NEIL1: variants seen among roughly 807,000 people sequenced by gnomAD.
NEIL1 encodes the protein endonuclease 8-like 1.
A neutral mutation model predicts 44.2 loss-of-function variants in NEIL1; 31 were observed. The observed-to-expected ratio is 0.70, with a 90% CI of 0.53 to 0.95. The LOEUF is 0.95. NEIL1 is among the 40% of genes least tolerant of loss of function. The pLI is 0.00. For synonymous variants in NEIL1, 254 were observed against 209.7 expected, an observed-to-expected ratio of 1.21 and a Z score of -1.83; for missense variants, 549 against 515.5, an observed-to-expected ratio of 1.07 and a Z score of -0.63.
In NEIL1 at chr15:75,356,816, TCGCACTGA is replaced by T; in HGVS notation, c.*1786_*1793del. 1.2e-6 allele frequency: 2 copies of T among 1,614,070 alleles called. No homozygotes were observed. Among genetic ancestry groups the T allele is most frequent in the Non-Finnish European group, 1.7e-6 (2 of 1,180,024 alleles). ...ACAGCGAGAGGCTGAGGATGCTGCC[TCGCACTGA>T]CGCGCCATACTTGCAGTCGTTGAGC... On this transcript the variant is annotated 3_prime_UTR_variant, in exon 10 of 10. Coordinates refer to ENST00000355059, the MANE Select transcript of NEIL1 (RefSeq NM_024608.4). The surrounding 1 kb of genome is among the most constrained non-coding windows in gnomAD (Gnocchi z 5.8).
In NEIL1 at chr15:75,354,828, C is replaced by T. The variant is rs1384936445; in HGVS notation, c.1102+10C>T. On this transcript the variant is annotated intron_variant, in intron 9 of 9. Coordinates refer to ENST00000355059, the MANE Select transcript of NEIL1 (RefSeq NM_024608.4). ...CGACAGGCAGCCTCTGGTGGGCTTT[C>T]CTCATCACTCCCAGAAACTGGCTCT... is the stretch of plus-strand genomic sequence containing the variant. The T allele has an allele frequency of 1.9e-6, 3 of 1,613,812 alleles. No individual in the cohort carries two copies. The highest frequency in any genetic ancestry group is 2.2e-5 in the South Asian group (2 of 91,088).
intron 1 of NEIL1, chr15:75,348,190 G>T (rs904627789): frequency 1.4e-6 from 1 of 715,638 alleles, no homozygotes; most frequent in South Asian, 4.0e-5. Context: ...CGCCCGCCTC[G>T]TCCTGGCCCC....
chr15:75,349,692 T>C, intron 2 of NEIL1: 1 of 232,450 alleles, frequency 4.3e-6, no homozygotes, highest in Non-Finnish European at 8.6e-6. Flanking sequence ...CACATGCCTG[T>C]AACCCCAGCT....
chr15:75,355,620 G>T lies in NEIL1; in HGVS notation c.*586G>T. On this transcript the variant is annotated 3_prime_UTR_variant, in exon 10 of 10. Coordinates refer to ENST00000355059, the MANE Select transcript of NEIL1 (RefSeq NM_024608.4). ...CTCATGGTCTCTTCACTGGCTTTTG[G>T]TGGCTCGAGGTCCCCAGTCTCTCCT... 2.6e-6 allele frequency: 1 copy of T among 378,410 alleles called. No homozygotes were observed. Among genetic ancestry groups the T allele is most frequent in the Non-Finnish European group, 4.9e-6 (1 of 205,264 alleles). 23.4% of individuals were successfully genotyped at this position (378,410 alleles called of 1,614,324 possible). A position where few individuals can be genotyped will look rare whatever the true frequency, so the allele number is the denominator to read the frequency against.
At chr15:75,347,932 G>A (rs1229900729) in intron 1 of NEIL1, 8 of 1,249,090 alleles carry the variant, frequency 6.4e-6, no homozygotes, top group Non-Finnish European at 8.3e-6. Context: ...GGCGTCTGCC[G>A]TCGCTAAGTG....
intron 1 of NEIL1, 24 bp from the exon 2 acceptor site, chr15:75,348,860 A>G: frequency 1.3e-6 from 2 of 1,594,066 alleles, no homozygotes; most frequent in Non-Finnish European, 1.7e-6. Context: ...ACCGGGCTCA[A>G]CCCGCTGCCT....
Position 75,356,397 on chromosome 15 carries a change from G to C in NEIL1, c.*1363G>C. 6.2e-7 allele frequency: 1 copy of C among 1,610,888 alleles called. No individual in the cohort carries two copies. Among genetic ancestry groups the C allele is most frequent in the South Asian group, 1.1e-5 (1 of 90,408 alleles). On this transcript the variant is annotated 3_prime_UTR_variant, in exon 10 of 10. Coordinates refer to ENST00000355059, the MANE Select transcript of NEIL1 (RefSeq NM_024608.4). This position sits in a 1 kb window ranked among gnomAD's most constrained non-coding sequence, Gnocchi z 5.8. ...GGCTGGGGGCTGGCAGAGCCAACAG[G>C]GGGAAGTTTAGGCTGTAGGCAGCTT...
rs1204478505 is a variant in NEIL1, at chr15:75,349,285, G to A, written c.380G>A (p.Gly127Glu). 2.2e-5 allele frequency: 36 copies of A among 1,611,380 alleles called. No homozygotes were observed. Among genetic ancestry groups the A allele is most frequent in the East Asian group, 8.9e-5 (4 of 44,878 alleles). Residue 127 changes from glycine (G) to glutamate (E), a missense_variant, in exon 2 of 10, where the codon GGA (glycine) becomes GAA (glutamate). Gly to Glu is a moderately conservative substitution (Grantham distance 98). Coordinates refer to ENST00000355059, the MANE Select transcript of NEIL1 (RefSeq NM_024608.4). ...CGGTTCGGCCGCTGGGACCTTGGGG[G>A]AAAGTGGCAGCCGGGCCGCGGGCCC... is the stretch of plus-strand genomic sequence containing the variant. ...IRRFGRWDLG[G>E]KWQPGRGPCV...
chr15:75,349,302 C>T lies in NEIL1; in HGVS notation c.397C>T (p.Arg133Cys), dbSNP rs1370750826. ...CCTTGGGGGAAAGTGGCAGCCGGGC[C>T]GCGGGCCCTGTGTCTTGCAGGAGTA... The part of the protein sequence containing the change: ...WDLGGKWQPG[R>C]GPCVLQEYQQ... The change falls in exon 2 of 10, where the codon CGC (arginine) becomes TGC (cysteine). Residue 133 changes from arginine (R) to cysteine (C), a missense_variant. Coordinates refer to ENST00000355059, the MANE Select transcript of NEIL1 (RefSeq NM_024608.4). 2 of 1,610,722 alleles carry T rather than the reference C, an allele frequency of 1.2e-6. No homozygotes were observed. The highest frequency in any genetic ancestry group is 1.7e-4 in the Middle Eastern group (1 of 6,048).
chr15:75,348,887 T>G lies in NEIL1; in HGVS notation c.-19T>G. ...CCGCTGCCTTCCTCCCCAACAGGAC[T>G]CTGCCACCCTCCCTCAGGATGCCTG... On this transcript the variant is annotated 5_prime_UTR_variant, in exon 2 of 10. Coordinates refer to ENST00000355059, the MANE Select transcript of NEIL1 (RefSeq NM_024608.4). The G allele has an allele frequency of 6.2e-7, 1 of 1,606,902 alleles. No homozygotes were observed. The highest frequency in any genetic ancestry group is 1.1e-5 in the South Asian group (1 of 90,980).
rs1688884012 is a variant in NEIL1 at position 75,356,536 on chromosome 15, G to C, written c.*1502G>C. The C allele has an allele frequency of 1.3e-6, 2 of 1,552,120 alleles. No individual in the cohort carries two copies. The highest frequency in any genetic ancestry group is 1.7e-6 in the Non-Finnish European group (2 of 1,146,538). ...AAGGGGCAGGAAGCCAGGTTGCTGG[G>C]GTTTGGGCTCAGGGAAGGGCAGAGA... is the stretch of plus-strand genomic sequence containing the variant. On this transcript the variant is annotated 3_prime_UTR_variant, in exon 10 of 10. Coordinates refer to ENST00000355059, the MANE Select transcript of NEIL1 (RefSeq NM_024608.4). This position sits in a 1 kb window ranked among gnomAD's most constrained non-coding sequence, Gnocchi z 5.8.
intron 1 of NEIL1, chr15:75,348,222 G>A: frequency 1.3e-6 from 1 of 795,196 alleles, no homozygotes; most frequent in Non-Finnish European, 1.5e-6. Context: ...GGGGGCGGCC[G>A]CGGGGATGTC....
chr15:75,355,750 C>T lies in NEIL1; in HGVS notation c.*716C>T. On this transcript the variant is annotated 3_prime_UTR_variant, in exon 10 of 10. Transcript: ENST00000355059. ...CCCACCCCAGACTTCCCACCCCCAC[C>T]CCAAGCGTGAGGATGGGCCCTAAGG... 2 of 807,806 alleles carry T rather than the reference C, an allele frequency of 2.5e-6. No homozygotes were observed. Among genetic ancestry groups the T allele is most frequent in the Non-Finnish European group, 1.9e-6 (1 of 532,318 alleles). The allele number at this position is 807,806 out of a possible 1,614,324, so 50.0% of individuals were successfully genotyped here. A position where few individuals can be genotyped will look rare whatever the true frequency, so the allele number is the denominator to read the frequency against.
At position 75,355,155 on chromosome 15, in the gene NEIL1, C is replaced by G. The variant is rs1000890518; in HGVS notation, c.*121C>G. The G allele has an allele frequency of 3.4e-5, 25 of 733,518 alleles. No homozygotes were observed. The African/African-American group carries it at 4.1e-4, about 12-fold the overall frequency. 45.4% of individuals were successfully genotyped at this position (733,518 alleles called of 1,614,324 possible). On this transcript the variant is annotated 3_prime_UTR_variant, in exon 10 of 10. Transcript: ENST00000355059. ...AAACAGGCCCTACGGCTGTTCCCTG[C>G]ACAACTCTCATGGTTTTAATTGTAC...
intron 1 of NEIL1, chr15:75,347,807 C>G (rs370113829): frequency 7.0e-6 from 8 of 1,138,446 alleles, no homozygotes; most frequent in Non-Finnish European, 7.8e-6. Flanking sequence ...AGGACGGGCC[C>G]GAGAGCGCCG....
rs1275066170 is a variant in NEIL1, at chr15:75,356,446, G to A, written c.*1412G>A. 1 of 1,598,824 alleles carries A rather than the reference G, an allele frequency of 6.3e-7. No homozygotes were observed. Among genetic ancestry groups the A allele is most frequent in the South Asian group, 1.1e-5 (1 of 88,362 alleles). On this transcript the variant is annotated 3_prime_UTR_variant, in exon 10 of 10. Transcript: ENST00000355059. The surrounding 1 kb of genome is among the most constrained non-coding windows in gnomAD (Gnocchi z 5.8). ...TTGGATAACGCCAGCATCCTGGAAA[G>A]AGCCTGGGGTACGACCAGGAAACAA... is the stretch of plus-strand genomic sequence containing the variant.
Position 75,356,765 on chromosome 15 carries a change from T to C in NEIL1, c.*1731T>C. ...GGAAGACCCATTTCTCCATGCCAGC[T>C]CCCAGGCCTGGTGGGTACCCCACTT... is the stretch of plus-strand genomic sequence containing the variant. On this transcript the variant is annotated 3_prime_UTR_variant, in exon 10 of 10. Transcript: ENST00000355059. This position sits in a 1 kb window ranked among gnomAD's most constrained non-coding sequence, Gnocchi z 5.8. 1 of 1,613,218 alleles carries C rather than the reference T, an allele frequency of 6.2e-7. No individual in the cohort carries two copies. Among genetic ancestry groups the C allele is most frequent in the Non-Finnish European group, 8.5e-7 (1 of 1,179,342 alleles).
At position 75,354,788 on chromosome 15, in the gene NEIL1, G is replaced by A; in HGVS notation, c.1072G>A (p.Gly358Arg). 1 of 1,614,114 alleles carries A rather than the reference G, an allele frequency of 6.2e-7. No homozygotes were observed. Among genetic ancestry groups the A allele is most frequent in the Non-Finnish European group, 8.5e-7 (1 of 1,180,032 alleles). The change falls in exon 9 of 10, where the codon GGG becomes AGG. Residue 358 changes from glycine to arginine, a missense_variant. Gly to Arg is a moderately radical substitution (Grantham distance 125, BLOSUM62 -2). Transcript: ENST00000355059. ...AGAAGCTCCCACAGTGCCCAAGAAGGGGAGGAGGAAGGGGCGACAGGCAGC... is the reference window on the plus strand; with the variant it reads ...AGAAGCTCCCACAGTGCCCAAGAAGAGGAGGAGGAAGGGGCGACAGGCAGC... ...DPEAPTVPKKGRRKGRQAASG... is the reference protein window; with the variant it reads ...DPEAPTVPKKRRRKGRQAASG...
In NEIL1 at chr15:75,354,967, A is replaced by G. The variant is rs769212515; in HGVS notation, c.1106A>G (p.His369Arg). 6.2e-7 allele frequency: 1 copy of G among 1,614,046 alleles called. No homozygotes were observed. The highest frequency in any genetic ancestry group is 2.2e-5 in the East Asian group (1 of 44,866). ...ATCTTGCCTGTTCTTCCCCCAGGCC[A>G]CTGCAGACCCCGGAAGGTCAAGGCT... ...RRKGRQAASGHCRPRKVKADI... is the reference protein window; with the variant it reads ...RRKGRQAASGRCRPRKVKADI... The change falls in exon 10 of 10, where the codon CAC becomes CGC. Residue 369 changes from histidine (H) to arginine (R), a missense_variant. Coordinates refer to ENST00000355059, the MANE Select transcript of NEIL1 (RefSeq NM_024608.4).
Sources: gnomAD v4.1 joint callset for allele counts on GRCh38, gnomAD v4.1.1 for gene constraint, Gnocchi (gnomAD v3.1) non-coding constraint, MANE v1.5 for transcripts, NCBI Gene and HGNC (gene_info 2026-07-23, HGNC 2026-07-21) for gene names.